Variants in LIPI observed in about 807,000 individuals in gnomAD.
LIPI encodes the protein lipase member I.
A neutral mutation model predicts 50.6 loss-of-function variants in LIPI; 59 were observed. That is an observed-to-expected ratio of 1.16 (90% CI 0.94 to 1.45). LIPI has a LOEUF of 1.45. LIPI is among the 40% of genes most tolerant of loss of function. The pLI is 0.00. For missense variants in LIPI, 586 were observed against 536.3 expected (o/e 1.09, Z -0.92); for synonymous variants, 203 against 178.2 (o/e 1.14, Z -1.11).
intron 1 of LIPI, among the ~76,000 whole-genome samples, chr21:14,204,308 GT>G (rs1342924295): frequency 1.3e-5 from 2 of 151,422 alleles, no homozygotes; most frequent in Admixed American, 6.6e-5. Context: ...AGGTAGAAGG[GT>G]TTGGGAGGAG....
At chr21:14,202,221 T>G (rs1419607858) in intron 1 of LIPI, among the ~76,000 whole-genome samples, 4 of 152,132 alleles carry the variant, frequency 2.6e-5, no homozygotes, top group African/African-American at 9.7e-5. Context: ...TGCTCATGGG[T>G]AGGAAGAATC....
At chr21:14,163,972 T>G (rs1476927641) in intron 6 of LIPI, among the ~76,000 whole-genome samples, 1 of 150,896 alleles carries the variant, frequency 6.6e-6, no homozygotes, top group Non-Finnish European at 1.5e-5. Context: ...ATACATTATA[T>G]ATATTATATA....
intron 7 of LIPI, among the ~76,000 whole-genome samples, chr21:14,155,093 A>G (rs1433847650): frequency 7.9e-5 from 12 of 152,048 alleles, no homozygotes; most frequent in Non-Finnish European, 1.8e-4. Context: ...TTAGCAAAGA[A>G]AAAAAGTTGT....
chr21:14,190,579 A>T (rs2019636470), intron 1 of LIPI, among the ~76,000 whole-genome samples: 2 of 152,200 alleles, frequency 1.3e-5, no homozygotes, highest in Admixed American at 1.3e-4. Flanking sequence ...CTAGTTTTCA[A>T]GTATATACAC....
intron 7 of LIPI, among the ~76,000 whole-genome samples, chr21:14,156,663 G>A (rs1017113948): frequency 6.6e-6 from 1 of 151,580 alleles, no homozygotes; most frequent in Non-Finnish European, 1.5e-5. Flanking sequence ...CAAATAATGT[G>A]ATATAGCTAT....
intron 2 of LIPI, 148 bp from the exon 3 acceptor site, chr21:14,186,217 G>T: frequency 1.6e-6 from 1 of 619,080 alleles, no homozygotes; most frequent in Non-Finnish European, 2.9e-6. Flanking sequence ...ATAATTTCAA[G>T]ATGACTATAT....
chr21:14,197,312 T>C (rs1269605415), intron 1 of LIPI, among the ~76,000 whole-genome samples: 1 of 152,132 alleles, frequency 6.6e-6, no homozygotes, highest in Non-Finnish European at 1.5e-5. Context: ...TCATACTATG[T>C]ATTATTTTTT....
Position 14,152,633 on chromosome 21 carries a change from CCATCCAT to C in LIPI, c.1051_1057del (p.Met351AlafsTer8). The C allele has an allele frequency of 1.9e-6, 3 of 1,589,830 alleles. No homozygotes were observed. The highest frequency in any genetic ancestry group is 2.6e-6 in the Non-Finnish European group (3 of 1,159,526). On this transcript the variant is annotated frameshift_variant, in exon 8 of 10. Coordinates refer to ENST00000681601, the MANE Select transcript of LIPI (RefSeq NM_001302998.2). LOFTEE classifies it high-confidence loss of function. ...ATTTAATAATTTAAATGAAAACGAGCCATCCATCATAGTTTTATCTGGAACAATTATA... is the reference window on the plus strand; with the variant it reads ...ATTTAATAATTTAAATGAAAACGAGCCATAGTTTTATCTGGAACAATTATA...
chr21:14,193,017 A>G (rs1488174297), intron 1 of LIPI, among the ~76,000 whole-genome samples: 1 of 152,260 alleles, frequency 6.6e-6, no homozygotes, highest in East Asian at 1.9e-4. Context: ...GACTTAAAAG[A>G]CAAATGAATA....
At chr21:14,145,477 G>T (rs1416067505) in intron 8 of LIPI, among the ~76,000 whole-genome samples, 1 of 152,074 alleles carries the variant, frequency 6.6e-6, no homozygotes, top group African/African-American at 2.4e-5. Flanking sequence ...TGGGTCCCTG[G>T]AGTCATTTAT....
intron 7 of LIPI, among the ~76,000 whole-genome samples, chr21:14,153,959 T>C (rs2018188041): frequency 6.6e-6 from 1 of 152,160 alleles, no homozygotes; most frequent in African/African-American, 2.4e-5. Context: ...AAATTTACAT[T>C]AAAATGCTTC....
At chr21:14,198,023 C>G (rs977019952) in intron 1 of LIPI, among the ~76,000 whole-genome samples, 2 of 152,006 alleles carry the variant, frequency 1.3e-5, no homozygotes, top group Non-Finnish European at 2.9e-5. Context: ...GCAAACTAAG[C>G]TTCATAAGCA....
At chr21:14,121,910 G>A (rs950457476) in intron 9 of LIPI, among the ~76,000 whole-genome samples, 1 of 152,200 alleles carries the variant, frequency 6.6e-6, no homozygotes, top group Non-Finnish European at 1.5e-5. Context: ...TTGAGGAAAC[G>A]TCAAGCCCTG....
Position 14,207,112 on chromosome 21 carries a change from A to G in LIPI, c.46+3688T>C, listed in dbSNP as rs147273028. The stretch of plus-strand genomic sequence containing the variant: ...TGTAGGTAAAATGTTAAAATCCCTG[A>G]ATGCTAGTGGCAGAAAGCAAAATAA... On this transcript the variant is annotated intron_variant, in intron 1 of 9. Transcript: ENST00000681601. 7.6e-3 allele frequency among the ~76,000 whole-genome samples: 1,156 copies of G among 152,322 alleles called. 10 individuals carry two copies. Among genetic ancestry groups the G allele is most frequent in the African/African-American group, 0.02 (820 of 41,572 alleles).
chr21:14,174,972 G>A (rs1008004831), intron 4 of LIPI, among the ~76,000 whole-genome samples: 2 of 152,144 alleles, frequency 1.3e-5, no homozygotes, highest in African/African-American at 4.8e-5. Context: ...TGGCTTTTTA[G>A]ATTATTAGTA....
chr21:14,115,653 G>A (rs998748153), intron 9 of LIPI, among the ~76,000 whole-genome samples: 1 of 152,142 alleles, frequency 6.6e-6, no homozygotes, highest in Non-Finnish European at 1.5e-5. Context: ...CAGCCCAGAA[G>A]GAGAACGGTT....
chr21:14,145,754 G>C (rs1176998261), intron 8 of LIPI, among the ~76,000 whole-genome samples: 2 of 152,162 alleles, frequency 1.3e-5, no homozygotes, highest in African/African-American at 4.8e-5. Flanking sequence ...TTTCTCTTTT[G>C]AGCCAACAAC....
intron 1 of LIPI, among the ~76,000 whole-genome samples, chr21:14,194,664 A>G (rs2019784212): frequency 6.6e-6 from 1 of 152,166 alleles, no homozygotes; most frequent in Admixed American, 6.5e-5. Flanking sequence ...ATGAGGAGTT[A>G]TATTTAATAG....
chr21:14,186,428 T>C (rs986244202), intron 2 of LIPI, among the ~76,000 whole-genome samples: 7 of 152,246 alleles, frequency 4.6e-5, no homozygotes, highest in Non-Finnish European at 1.0e-4. Flanking sequence ...TCATATTTAA[T>C]ACTTCCAATT....
Sources: allele counts gnomAD v4.1 joint callset (sites outside exome capture counted in the v4.1 genomes callset), GRCh38; gene constraint gnomAD v4.1.1; transcripts MANE v1.5; gene names NCBI Gene and HGNC (gene_info 2026-07-23, HGNC 2026-07-21).